The following GRIN2A variants were observed in gnomAD, a reference collection of about 807,000 sequenced individuals.
The protein encoded by GRIN2A is glutamate receptor ionotropic, NMDA 2A.
Under a neutral mutation model 113.4 loss-of-function variants are expected in GRIN2A, and 22 were observed. The ratio of observed to expected loss-of-function variants is 0.19; its 90% CI spans 0.14 to 0.28. GRIN2A has a LOEUF of 0.28. Among genes scored for constraint, GRIN2A ranks in the 10% least tolerant of loss-of-function variants. The pLI is 1.00. For missense variants in GRIN2A, 1,502 were observed against 1,887.0 expected (o/e 0.80, Z 3.78); for synonymous variants, 827 against 738.4 (o/e 1.12, Z -1.94).
At chr16:9,942,425 G>A (rs377435102) in intron 2 of GRIN2A, among the ~76,000 whole-genome samples, 1 of 152,106 alleles carries the variant, frequency 6.6e-6, no homozygotes, top group African/African-American at 2.4e-5. Context: ...ATCTTTCTGG[G>A]CCTGAGTTTC....
At chr16:9,851,123 T>G (rs2042875986) in intron 4 of GRIN2A, among the ~76,000 whole-genome samples, 1 of 152,134 alleles carries the variant, frequency 6.6e-6, no homozygotes. Flanking sequence ...TTAAAGAGAA[T>G]TCAAACATGC....
chr16:10,068,470 T>C (rs945326160), intron 2 of GRIN2A, among the ~76,000 whole-genome samples: 2 of 152,030 alleles, frequency 1.3e-5, no homozygotes, highest in African/African-American at 4.8e-5. Flanking sequence ...GAGTAAGTCT[T>C]GGGGGGAAGT....
At chr16:10,073,438 G>A (rs1338973451) in intron 2 of GRIN2A, among the ~76,000 whole-genome samples, 1 of 152,120 alleles carries the variant, frequency 6.6e-6, no homozygotes, top group African/African-American at 2.4e-5. Flanking sequence ...AGCCAGGGGA[G>A]GTAGTTTTGG....
intron 11 of GRIN2A, among the ~76,000 whole-genome samples, chr16:9,788,056 A>G (rs926475402): frequency 9.9e-5 from 15 of 152,148 alleles, no homozygotes; most frequent in African/African-American, 2.9e-4. Flanking sequence ...GACATCTTCA[A>G]TTTCATCTGC....
chr16:10,169,973 A>C (rs141405090), intron 2 of GRIN2A, among the ~76,000 whole-genome samples: 1 of 152,244 alleles, frequency 6.6e-6, no homozygotes, highest in Non-Finnish European at 1.5e-5. Context: ...AAACAAACAA[A>C]CAAATAAAAA....
intron 2 of GRIN2A, among the ~76,000 whole-genome samples, chr16:10,119,062 A>G (rs2048781107): frequency 6.6e-6 from 1 of 152,230 alleles, no homozygotes; most frequent in Non-Finnish European, 1.5e-5. Flanking sequence ...AAAGCTGTTC[A>G]CCAACCAGGA....
At chr16:10,103,399 G>C (rs542148693) in intron 2 of GRIN2A, among the ~76,000 whole-genome samples, 1 of 152,246 alleles carries the variant, frequency 6.6e-6, no homozygotes, top group African/African-American at 2.4e-5. Context: ...GAAGGGCAGT[G>C]ATCAATCATT....
chr16:10,048,613 A>G (rs1886398094), intron 2 of GRIN2A, among the ~76,000 whole-genome samples: 1 of 152,196 alleles, frequency 6.6e-6, no homozygotes, highest in Non-Finnish European at 1.5e-5. Flanking sequence ...GCCTGGGAAG[A>G]AGACTAGAGA....
chr16:10,176,921 A>T (rs1353500923), intron 2 of GRIN2A, among the ~76,000 whole-genome samples: 1 of 152,214 alleles, frequency 6.6e-6, no homozygotes, highest in Admixed American at 6.5e-5. Flanking sequence ...CAAATTGACT[A>T]CTATTCTTAC....
chr16:10,180,355 G>T lies in GRIN2A; in HGVS notation c.57C>A (p.Arg19=). Residue 19 remains arginine, a synonymous_variant, in exon 2 of 13, where the codon CGC becomes CGA. Coordinates refer to ENST00000330684, the MANE Select transcript of GRIN2A (RefSeq NM_001134407.3). The surrounding 1 kb of genome is among the most constrained non-coding windows in gnomAD (Gnocchi z 7.0). Reference sequence around the variant, plus strand: ...CCGCCGCCGCGCTCGGCGCCGGACCGCGCCAGACCAGAAGGGCCGGCAGCA... The same window carrying T: ...CCGCCGCCGCGCTCGGCGCCGGACCTCGCCAGACCAGAAGGGCCGGCAGCA... ...LLVLPALLVW[R]GPAPSAAAEK... is the part of the protein sequence containing the mutation. The T allele has an allele frequency of 6.2e-7, 1 of 1,608,308 alleles. No homozygotes were observed.
At chr16:9,980,474 A>G (rs552072723) in intron 2 of GRIN2A, among the ~76,000 whole-genome samples, 1 of 152,296 alleles carries the variant, frequency 6.6e-6, no homozygotes, top group Non-Finnish European at 1.5e-5. Context: ...TGACCCAGCC[A>G]TCCCATTACT....
At chr16:9,872,407 G>T (rs1295834561) in intron 4 of GRIN2A, among the ~76,000 whole-genome samples, 1 of 152,022 alleles carries the variant, frequency 6.6e-6, no homozygotes, top group African/African-American at 2.4e-5. Context: ...TTCATCTCTT[G>T]GCATTGATTT....
At chr16:9,819,780 A>G (rs992763377) in intron 10 of GRIN2A, among the ~76,000 whole-genome samples, 2 of 152,062 alleles carry the variant, frequency 1.3e-5, no homozygotes, top group Non-Finnish European at 2.9e-5. Context: ...CCTAGTCAAC[A>G]TGGTGAAACC....
chr16:9,842,506 T>G (rs1046639817), intron 5 of GRIN2A, among the ~76,000 whole-genome samples: 1 of 152,154 alleles, frequency 6.6e-6, no homozygotes, highest in African/African-American at 2.4e-5. Context: ...TCTATGGAAA[T>G]CCAACATCAT....
At position 9,759,153 on chromosome 16, in the gene GRIN2A, G is replaced by C. The variant is rs1900476038; in HGVS notation, c.*3996C>G. ...CCAGCTCCTCTGTAAGGTATTTAGA[G>C]TTCTCAAATTAGTGTTTATTTAGGT... On this transcript the variant is annotated 3_prime_UTR_variant, in exon 13 of 13. Coordinates refer to ENST00000330684, the MANE Select transcript of GRIN2A (RefSeq NM_001134407.3). The C allele has an allele frequency of 4.6e-6, 1 of 217,134 alleles. No individual in the cohort carries two copies. Among genetic ancestry groups the C allele is most frequent in the East Asian group, 6.9e-5 (1 of 14,572 alleles). 13.5% of individuals were successfully genotyped at this position (217,134 alleles called of 1,614,324 possible). A position where few individuals can be genotyped will look rare whatever the true frequency, so the allele number is the denominator to read the frequency against.
chr16:10,047,785 C>G (rs1244081562), intron 2 of GRIN2A, among the ~76,000 whole-genome samples: 1 of 152,184 alleles, frequency 6.6e-6, no homozygotes, highest in African/African-American at 2.4e-5. Flanking sequence ...CTAATGGGCA[C>G]AGGAGTATAA....
At chr16:9,881,999 C>T (rs1596535211) in intron 4 of GRIN2A, among the ~76,000 whole-genome samples, 2 of 152,220 alleles carry the variant, frequency 1.3e-5, no homozygotes, top group Non-Finnish European at 2.9e-5. Flanking sequence ...ATACTTCCAT[C>T]CTCTGGCTGG....
intron 9 of GRIN2A, among the ~76,000 whole-genome samples, chr16:9,824,924 C>T (rs1483263767): frequency 6.6e-6 from 1 of 152,078 alleles, no homozygotes; most frequent in Admixed American, 6.6e-5. Flanking sequence ...ATCCAGGACA[C>T]ACTCCGTGCT....
At chr16:9,947,010 A>G (rs996519949) in intron 2 of GRIN2A, among the ~76,000 whole-genome samples, 1 of 152,224 alleles carries the variant, frequency 6.6e-6, no homozygotes, top group East Asian at 1.9e-4. Flanking sequence ...CTTGCAATCA[A>G]AGATTACTGA....
Sources: allele counts gnomAD v4.1 joint callset (sites outside exome capture counted in the v4.1 genomes callset), GRCh38; gene constraint gnomAD v4.1.1; non-coding constraint Gnocchi (gnomAD v3.1); transcripts MANE v1.5; gene names NCBI Gene and HGNC (gene_info 2026-07-23, HGNC 2026-07-21).